The following PPP2R1B variants were observed in gnomAD, a reference collection of about 807,000 sequenced individuals.
The protein encoded by PPP2R1B is serine/threonine-protein phosphatase 2A 65 kDa regulatory subunit A beta isoform.
Under a neutral mutation model 72.7 loss-of-function variants are expected in PPP2R1B, and 58 were observed. The ratio of observed to expected loss-of-function variants is 0.80; its 90% CI spans 0.65 to 0.99. The LOEUF is 0.99. PPP2R1B is among the 50% of genes least tolerant of loss of function. PPP2R1B has a pLI of 0.00. For synonymous variants in PPP2R1B, 256 were observed against 264.6 expected (o/e 0.97, Z 0.32); for missense variants, 695 against 733.6 (o/e 0.95, Z 0.61).
downstream of PPP2R1B, chr11:111,737,746 G>T (rs1187181809): frequency 2.3e-5 from 31 of 1,337,278 alleles, no homozygotes; most frequent in African/African-American, 3.0e-5. Flanking sequence ...CCAGGGTCGT[G>T]CTGAGGTGCC....
chr11:111,729,985 GCCA>G (rs1944130073), intron 15 of PPP2R1B: 1 of 146,176 alleles, frequency 6.8e-6, no homozygotes, highest in Admixed American at 6.7e-5. Flanking sequence ...ACGGCATCAG[GCCA>G]CCACTGCAGG....
At chr11:111,721,834 A>T in the PPP2R1B span, 1 of 1,606,340 alleles carries the variant, frequency 6.2e-7, no homozygotes, top group South Asian at 1.1e-5. Flanking sequence ...CCTCAGGAAG[A>T]AGTTTCTCAG....
chr11:111,739,372 T>A lies in PPP2R1B; in HGVS notation c.*2224A>T. ...TAAAAAAAAAAATAGGAGAACTAAT[T>A]CATGGAGAACATGGCCAAGTTATGA... On this transcript the variant is annotated 3_prime_UTR_variant, in exon 15 of 15. Transcript: ENST00000527614. 1.0e-6 allele frequency: 1 copy of A among 985,086 alleles called. No individual in the cohort carries two copies. The allele number at this position is 985,086 out of a possible 1,614,324, so 61.0% of individuals were successfully genotyped here.
At chr11:111,720,394 A>G in the PPP2R1B span, 1 of 1,379,986 alleles carries the variant, frequency 7.2e-7, no homozygotes, top group South Asian at 1.5e-5. Context: ...TAGCTGTCAA[A>G]ACTCAAGCTG....
chr11:111,732,346 C>A (rs1944220274), intron 15 of PPP2R1B, among the ~76,000 whole-genome samples: 1 of 152,186 alleles, frequency 6.6e-6, no homozygotes, highest in Non-Finnish European at 1.5e-5. Context: ...CCGAGGCCCC[C>A]CTCCCCACCA....
At chr11:111,730,232 G>A (rs561924475) in intron 15 of PPP2R1B, 1 of 152,348 alleles carries the variant, frequency 6.6e-6, no homozygotes, top group East Asian at 1.9e-4. Flanking sequence ...TATGACCCCA[G>A]ATGGAATAAT....
rs373410365 is a variant in PPP2R1B at position 111,742,137 on chromosome 11, G to T, written c.1705C>A (p.Gln569Lys). 22 of 1,611,498 alleles carry T rather than the reference G, an allele frequency of 1.4e-5. No homozygotes were observed. Among genetic ancestry groups the T allele is most frequent in the Non-Finnish European group, 1.9e-5 (22 of 1,177,966 alleles). The change falls in exon 14 of 15, where the codon CAG (glutamine) becomes AAG (lysine). Residue 569 changes from glutamine (Q) to lysine (K), a missense_variant. Physicochemically the swap from Gln to Lys is moderately conservative, Grantham distance 53 (BLOSUM62 1). Transcript: ENST00000527614. ...IGPILDTNAL[Q>K]GEVKPVLQKL... Reference sequence around the variant, plus strand: ...TGTAGTACTGGCTTCACTTCTCCCTGTAAAGCACTGACATTCAAAAGTATT... The same window carrying T: ...TGTAGTACTGGCTTCACTTCTCCCTTTAAAGCACTGACATTCAAAAGTATT...
intron 4 of PPP2R1B, 91 bp from the exon 5 acceptor site, chr11:111,760,042 T>C (rs984679800): frequency 7.5e-7 from 1 of 1,336,660 alleles, no homozygotes; most frequent in Admixed American, 2.3e-5. Flanking sequence ...AGAGGTTTTA[T>C]CTTACAATAA....
chr11:111,708,307 A>G, the PPP2R1B span, among the ~76,000 whole-genome samples: 1 of 152,142 alleles, frequency 6.6e-6, no homozygotes, highest in South Asian at 2.1e-4. Flanking sequence ...GCTTGAACCC[A>G]GGAGACAGAG....
At position 111,766,266 on chromosome 11, in the gene PPP2R1B, G is replaced by A; in HGVS notation, c.96C>T (p.Leu32=). The change falls in exon 1 of 15, where the codon CTC becomes CTT. Residue 32 remains leucine, a synonymous_variant. Coordinates refer to ENST00000527614, the MANE Select transcript of PPP2R1B (RefSeq NM_002716.5). ...LYPIAVLIDE[L]RNEDVQLRLN... ...CCAGTACCTGCACGTCTTCATTGCG[G>A]AGCTCGTCGATTAAAACCGCGATCG... 6.2e-7 allele frequency: 1 copy of A among 1,613,986 alleles called. No individual in the cohort carries two copies. Among genetic ancestry groups the A allele is most frequent in the Non-Finnish European group, 8.5e-7 (1 of 1,179,920 alleles).
Position 111,740,063 on chromosome 11 carries a change from G to A in PPP2R1B, c.*1533C>T, listed in dbSNP as rs1163811726. The A allele has an allele frequency of 9.1e-6, 9 of 985,172 alleles. No individual in the cohort carries two copies. Among genetic ancestry groups the A allele is most frequent in the Middle Eastern group, 5.2e-4 (1 of 1,936 alleles). 61.0% of individuals were successfully genotyped at this position (985,172 alleles called of 1,614,324 possible). A position where few individuals can be genotyped will look rare whatever the true frequency, so the allele number is the denominator to read the frequency against. On this transcript the variant is annotated 3_prime_UTR_variant, in exon 15 of 15. Transcript: ENST00000527614. Reference sequence around the variant, plus strand: ...GCCTTCACTAAACAGAACAGGACTTGTTAGATTTAAAAGAGGTTGTGAACA... The same window carrying A: ...GCCTTCACTAAACAGAACAGGACTTATTAGATTTAAAAGAGGTTGTGAACA...
chr11:111,720,774 C>T, the PPP2R1B span: 2 of 1,576,420 alleles, frequency 1.3e-6, no homozygotes, highest in Admixed American at 1.8e-5. Context: ...TGAGCACTTC[C>T]TCCTCTGCTT....
At chr11:111,706,596 A>T in the PPP2R1B span, among the ~76,000 whole-genome samples, 3 of 152,190 alleles carry the variant, frequency 2.0e-5, no homozygotes, top group South Asian at 4.2e-4. Context: ...AGTATGTTTT[A>T]AAAAAGGGAA....
chr11:111,755,541 C>T, intron 5 of PPP2R1B, 91 bp from the exon 6 acceptor site: 2 of 1,219,548 alleles, frequency 1.6e-6, no homozygotes, highest in Non-Finnish European at 2.2e-6. Flanking sequence ...AAAATTAACA[C>T]CACCAAGACT....
chr11:111,760,274 C>T (rs1788955), intron 4 of PPP2R1B, among the ~76,000 whole-genome samples: 1 of 151,832 alleles, frequency 6.6e-6, no homozygotes, highest in Admixed American at 6.6e-5. Flanking sequence ...TGTTGTTTGT[C>T]GGGGGCTCAA....
At chr11:111,741,678 T>C (rs1944525271) in intron 14 of PPP2R1B, 66 bp from the exon 15 acceptor site, 1 of 1,522,024 alleles carries the variant, frequency 6.6e-7, no homozygotes, top group Admixed American at 1.8e-5. Flanking sequence ...ATGTGAATAT[T>C]AAGCACAATA....
chr11:111,724,392 C>T (rs1480047186), downstream of PPP2R1B: 2 of 501,212 alleles, frequency 4.0e-6, no homozygotes, highest in East Asian at 3.5e-5. Context: ...AGCAAGCTCT[C>T]GAGGGCAGCA....
At chr11:111,712,787 A>G in the PPP2R1B span, among the ~76,000 whole-genome samples, 1 of 152,240 alleles carries the variant, frequency 6.6e-6, no homozygotes, top group Non-Finnish European at 1.5e-5. Flanking sequence ...GCTCTTCTGC[A>G]TAGGTACCTC....
chr11:111,753,330 A>C, intron 9 of PPP2R1B, 113 bp downstream of exon 9: 22 of 1,376,496 alleles, frequency 1.6e-5, no homozygotes, highest in Non-Finnish European at 2.1e-5. Context: ...AAAATAAGTT[A>C]TGATTTTTTT....
Sources: allele counts gnomAD v4.1 joint callset (sites outside exome capture counted in the v4.1 genomes callset), GRCh38; gene constraint gnomAD v4.1.1; transcripts MANE v1.5; gene names NCBI Gene and HGNC (gene_info 2026-07-23, HGNC 2026-07-21).